The following KMT2B variants were observed in gnomAD, a reference collection of about 807,000 sequenced individuals.
The protein encoded by KMT2B is histone-lysine N-methyltransferase 2B.
Under a neutral mutation model 255.3 loss-of-function variants are expected in KMT2B, and 22 were observed. The observed-to-expected ratio is 0.09, with a 90% CI of 0.06 to 0.12. The LOEUF is 0.12. Among genes scored for constraint, KMT2B ranks in the 10% least tolerant of loss-of-function variants. The probability of loss-of-function intolerance (pLI) is 1.00; values close to 1 mark genes in which losing one functional copy is unlikely to be tolerated. For missense variants in KMT2B, 3,149 were observed against 3,737.0 expected (o/e 0.84, Z 4.10); for synonymous variants, 1,730 against 1,498.1 (o/e 1.15, Z -3.57).
rs1969933034 is a variant in KMT2B at position 35,736,799 on chromosome 19, G to A, written c.7269G>A (p.Gly2423=). The change falls in exon 31 of 37, where the codon GGG becomes GGA. Residue 2423 remains glycine (G), a synonymous_variant. Coordinates refer to ENST00000420124, the MANE Select transcript of KMT2B (RefSeq NM_014727.3). The part of the protein sequence containing the change: ...HLRFEISSED[G]FSVEAESLEG... ...GCTTCGAGATCAGCAGTGAGGATGG[G>A]TTCAGCGTTGAGGCAGAGAGCTTGG... 1.2e-6 allele frequency: 2 copies of A among 1,613,914 alleles called. No individual in the cohort carries two copies. Among genetic ancestry groups the A allele is most frequent in the Non-Finnish European group, 8.5e-7 (1 of 1,179,898 alleles).
At chr19:35,731,819 T>A in intron 26 of KMT2B, 89 bp from the exon 27 acceptor site, 1 of 1,011,724 alleles carries the variant, frequency 9.9e-7, no homozygotes, top group Non-Finnish European at 1.5e-6. Flanking sequence ...GTCGGGGACC[T>A]GGGAGGCATA....
rs750752277 is a variant in KMT2B at position 35,723,847 on chromosome 19, G to C, written c.3174G>C (p.Val1058=). 4 of 1,603,306 alleles carry C rather than the reference G, an allele frequency of 2.5e-6. No homozygotes were observed. Among genetic ancestry groups the C allele is most frequent in the Non-Finnish European group, 3.4e-6 (4 of 1,175,020 alleles). Reference sequence around the variant, plus strand: ...GAGCTGGGGGGCCCCGGGAGGAGGTGGTGGCCCACCCAGGGCCCGAGGAGC... The same window carrying C: ...GAGCTGGGGGGCCCCGGGAGGAGGTCGTGGCCCACCCAGGGCCCGAGGAGC... ...GAGAGGPREE[V]VAHPGPEEQD... Residue 1058 remains valine (V), a synonymous_variant, in exon 8 of 37, where the codon GTG becomes GTC. Transcript: ENST00000420124. The surrounding 1 kb of genome is among the most constrained non-coding windows in gnomAD (Gnocchi z 7.5).
intron 26 of KMT2B, among the ~76,000 whole-genome samples, chr19:35,731,415 C>T (rs1599691821): frequency 6.6e-6 from 1 of 152,246 alleles, no homozygotes; most frequent in East Asian, 1.9e-4. Flanking sequence ...GGGCTTTATT[C>T]CAGGTTGGAG....
Position 35,725,030 on chromosome 19 carries a change from C to T in KMT2B, c.3471C>T (p.Gly1157=). 6.2e-7 allele frequency: 1 copy of T among 1,613,782 alleles called. No homozygotes were observed. The highest frequency in any genetic ancestry group is 8.5e-7 in the Non-Finnish European group (1 of 1,179,750). Reference sequence around the variant, plus strand: ...GCCCCTTTGCTTCTTTTCCCAATGGCTGGACTGGAAAGCAGAAGTCTCCCG... The same window carrying T: ...GCCCCTTTGCTTCTTTTCCCAATGGTTGGACTGGAAAGCAGAAGTCTCCCG... ...APGPFASFPN[G]WTGKQKSPDG... The change falls in exon 10 of 37, where the codon GGC becomes GGT. Residue 1157 remains glycine (G), a synonymous_variant. Coordinates refer to ENST00000420124, the MANE Select transcript of KMT2B (RefSeq NM_014727.3). This position sits in a 1 kb window ranked among gnomAD's most constrained non-coding sequence, Gnocchi z 4.1.
intron 22 of KMT2B, among the ~76,000 whole-genome samples, chr19:35,729,761 A>G (rs1599688939): frequency 6.6e-6 from 1 of 152,236 alleles, no homozygotes; most frequent in Non-Finnish European, 1.5e-5. Context: ...CACTAATGCT[A>G]TCAGCAAGTA....
intron 4 of KMT2B, 21 bp from the exon 5 acceptor site, chr19:35,722,547 A>G: frequency 3.1e-6 from 5 of 1,597,102 alleles, no homozygotes; most frequent in Middle Eastern, 1.7e-4. Context: ...CTGCCCACAC[A>G]CACTCCGATT....
At position 35,720,343 on chromosome 19, in the gene KMT2B, T is replaced by G; in HGVS notation, c.996T>G (p.His332Gln). 6.2e-7 allele frequency: 1 copy of G among 1,609,966 alleles called. No homozygotes were observed. Among genetic ancestry groups the G allele is most frequent in the Non-Finnish European group, 8.5e-7 (1 of 1,178,184 alleles). Residue 332 changes from histidine to glutamine, a missense_variant, in exon 3 of 37, where the codon CAT becomes CAG. Physicochemically the swap from His to Gln is conservative, Grantham distance 24. Around this residue, in one of 18 missense-constraint regions of KMT2B, gnomAD observed 1,188 missense variants for 1,106.4 expected, o/e 1.07. Transcript: ENST00000420124. ...AATCAGGTCAAGGTCAAGGTCAACATGAGGAAAGTTGGCAGGATGTCCCCC... is the reference window on the plus strand; with the variant it reads ...AATCAGGTCAAGGTCAAGGTCAACAGGAGGAAAGTTGGCAGGATGTCCCCC... ...GLESGQGQGQ[H>Q]EESWQDVPQR...
At chr19:35,729,776 C>T (rs1969617733) in intron 22 of KMT2B, among the ~76,000 whole-genome samples, 191 bp from the exon 23 acceptor site, 3 of 152,246 alleles carry the variant, frequency 2.0e-5, no homozygotes, top group Admixed American at 1.3e-4. Flanking sequence ...CAAGTATTGT[C>T]ATTCTTGCTT....
Position 35,719,921 on chromosome 19 carries a change from G to A in KMT2B, c.574G>A (p.Ala192Thr). ...GEEGTERMVQALTELLRRAQA... is the reference protein window; with the variant it reads ...GEEGTERMVQTLTELLRRAQA... ...GGAAGGCACAGAACGGATGGTGCAG[G>A]CACTGACTGAACTTCTCCGGCGGGC... Residue 192 changes from alanine to threonine, a missense_variant, in exon 3 of 37, where the codon GCA becomes ACA. Ala to Thr is a moderately conservative substitution (Grantham distance 58, BLOSUM62 0). Transcript: ENST00000420124. The A allele has an allele frequency of 1.2e-6, 2 of 1,613,456 alleles. No homozygotes were observed. Among genetic ancestry groups the A allele is most frequent in the Non-Finnish European group, 1.7e-6 (2 of 1,179,878 alleles).
In KMT2B at chr19:35,723,318, C is replaced by G; in HGVS notation, c.3002+44C>G. ...ACCTCATTCCCGTGGTTGTTGGTCCCCTAGGCTTCCTACCTCACTCCTCTT... is the reference window on the plus strand; with the variant it reads ...ACCTCATTCCCGTGGTTGTTGGTCCGCTAGGCTTCCTACCTCACTCCTCTT... On this transcript the variant is annotated intron_variant, in intron 6 of 36. Coordinates refer to ENST00000420124, the MANE Select transcript of KMT2B (RefSeq NM_014727.3). This position sits in a 1 kb window ranked among gnomAD's most constrained non-coding sequence, Gnocchi z 7.5. The G allele has an allele frequency of 6.3e-7, 1 of 1,589,436 alleles. No individual in the cohort carries two copies. The highest frequency in any genetic ancestry group is 8.6e-7 in the Non-Finnish European group (1 of 1,164,664).
rs1969663144 is a variant in KMT2B, at chr19:35,730,870, G to A, written c.5437+3G>A. The stretch of plus-strand genomic sequence containing the variant: ...GCACAGCCCCGCCCCTTCCTCAGGT[G>A]TGGCTTTGGCTCTGTCTTCTTCCTG... On this transcript the variant is annotated splice_donor_region_variant and intron_variant, in intron 26 of 36. Transcript: ENST00000420124. 2 of 1,597,676 alleles carry A rather than the reference G, an allele frequency of 1.3e-6. No individual in the cohort carries two copies. The highest frequency in any genetic ancestry group is 1.1e-5 in the South Asian group (1 of 89,412).
intron 24 of KMT2B, 23 bp from the exon 25 acceptor site, chr19:35,730,515 C>G: frequency 6.2e-7 from 1 of 1,614,042 alleles, no homozygotes; most frequent in Non-Finnish European, 8.5e-7. Flanking sequence ...CCTGCCTCTC[C>G]TGACCTCCGC....
chr19:35,732,188 C>CT, intron 27 of KMT2B, 27 bp from the exon 28 acceptor site: 1 of 1,566,996 alleles, frequency 6.4e-7, no homozygotes, highest in Non-Finnish European at 8.7e-7. Flanking sequence ...GTGGGAGCTG[C>CT]TGGTAACACC....
chr19:35,726,123 C>T (rs541856138), intron 13 of KMT2B, 113 bp from the exon 14 acceptor site: 13 of 773,848 alleles, frequency 1.7e-5, no homozygotes, highest in East Asian at 1.6e-4. Context: ...CTCCTCTTAC[C>T]TGTCCCTCCT....
Position 35,733,836 on chromosome 19 carries a change from G to C in KMT2B, c.7123G>C (p.Asp2375His). The C allele has an allele frequency of 1.2e-6, 2 of 1,613,736 alleles. No individual in the cohort carries two copies. Among genetic ancestry groups the C allele is most frequent in the Non-Finnish European group, 1.7e-6 (2 of 1,179,718 alleles). The change falls in exon 30 of 37, where the codon GAC becomes CAC. Residue 2375 changes from aspartate to histidine, a missense_variant. Asp to His is a moderately conservative substitution (Grantham distance 81). Coordinates refer to ENST00000420124, the MANE Select transcript of KMT2B (RefSeq NM_014727.3). This position sits in a 1 kb window ranked among gnomAD's most constrained non-coding sequence, Gnocchi z 4.3. ...TCCCCAGGTCCCCGATGGTCCCCCA[G>C]ACCTGCTGCTTGAGTCCCAGTGGCA... The part of the protein sequence containing the change: ...GPPQVPDGPP[D>H]LLLESQWHHY...
chr19:35,718,452 C>T lies in KMT2B; in HGVS notation c.363+71C>T. ...GGGGCTTCCAGGGGTCTGGGTTGTC[C>T]CGGGGGCGGCGTGGGCAGGCCGGGT... is the stretch of plus-strand genomic sequence containing the variant. On this transcript the variant is annotated intron_variant, in intron 1 of 36. Coordinates refer to ENST00000420124, the MANE Select transcript of KMT2B (RefSeq NM_014727.3). The surrounding 1 kb of genome is among the most constrained non-coding windows in gnomAD (Gnocchi z 5.0). 3.3e-6 allele frequency: 4 copies of T among 1,207,874 alleles called. No homozygotes were observed. Among genetic ancestry groups the T allele is most frequent in the Non-Finnish European group, 4.1e-6 (4 of 964,378 alleles). 74.8% of individuals were successfully genotyped at this position (1,207,874 alleles called of 1,614,324 possible).
At position 35,725,487 on chromosome 19, in the gene KMT2B, C is replaced by T; in HGVS notation, c.3651C>T (p.Phe1217=). 1 of 1,611,040 alleles carries T rather than the reference C, an allele frequency of 6.2e-7. No individual in the cohort carries two copies. The highest frequency in any genetic ancestry group is 8.5e-7 in the Non-Finnish European group (1 of 1,179,886). The change falls in exon 12 of 37, where the codon TTC becomes TTT. Residue 1217 remains phenylalanine, a synonymous_variant. Transcript: ENST00000420124. This position sits in a 1 kb window ranked among gnomAD's most constrained non-coding sequence, Gnocchi z 4.1. The stretch of plus-strand genomic sequence containing the variant: ...CTTTACCCTGTCCCCAGCTGGTGTT[C>T]TGTCAAGTCTGCTGTGACCCATTCC... ...CASKGLHELV[F]CQVCCDPFHP... is the part of the protein sequence containing the mutation.
chr19:35,719,712 G>C, intron 2 of KMT2B, 72 bp from the exon 3 acceptor site: 1 of 1,533,276 alleles, frequency 6.5e-7, no homozygotes, highest in South Asian at 1.3e-5. Context: ...CTTAGTCCCT[G>C]CCCTCCTGGA....
intron 19 of KMT2B, among the ~76,000 whole-genome samples, chr19:35,728,536 T>G (rs961510991): frequency 6.6e-6 from 1 of 151,884 alleles, no homozygotes; most frequent in African/African-American, 2.4e-5. Flanking sequence ...CAGGGAAGGC[T>G]TCCTGAAAGA....
Sources: gnomAD v4.1 joint callset for allele counts (sites outside exome capture counted in the v4.1 genomes callset) on GRCh38, gnomAD v4.1.1 for gene constraint, gnomAD v4.1.1 regional missense constraint, Gnocchi (gnomAD v3.1) non-coding constraint, MANE v1.5 for transcripts, NCBI Gene and HGNC (gene_info 2026-07-23, HGNC 2026-07-21) for gene names.